The following ALOX5 variants were observed in gnomAD, a reference collection of about 807,000 sequenced individuals.
ALOX5 encodes the protein arachidonate 5-lipoxygenase.
ALOX5 carries 64 observed loss-of-function variants against 87.9 expected under a neutral mutation model. That is an observed-to-expected ratio of 0.73 (90% CI 0.60 to 0.90). The LOEUF (loss-of-function observed/expected upper bound fraction) is 0.90, where lower values mean the gene tolerates loss of function less well. Ranked by LOEUF, ALOX5 falls within the 40% of genes least tolerant of loss-of-function variation. The probability of loss-of-function intolerance (pLI) is 0.00; values close to 1 mark genes in which losing one functional copy is unlikely to be tolerated. For synonymous variants in ALOX5, 388 were observed against 355.1 expected, an observed-to-expected ratio of 1.09 and a Z score of -1.04; for missense variants, 822 against 907.5, an observed-to-expected ratio of 0.91 and a Z score of 1.21.
intron 2 of ALOX5, among the ~76,000 whole-genome samples, chr10:45,391,297 G>C (rs1439582543): frequency 6.6e-6 from 1 of 152,212 alleles, no homozygotes; most frequent in Admixed American, 6.5e-5. Context: ...GTTTCGCTGT[G>C]TTGGCCAGGC....
At chr10:45,414,831 G>A (rs1025250799) in intron 4 of ALOX5, among the ~76,000 whole-genome samples, 3 of 152,166 alleles carry the variant, frequency 2.0e-5, no homozygotes, top group Admixed American at 2.0e-4. Context: ...GACACATGAA[G>A]AAATGCTCAT....
intron 2 of ALOX5, among the ~76,000 whole-genome samples, chr10:45,386,222 A>C (rs1430518038): frequency 1.3e-5 from 2 of 151,726 alleles, no homozygotes; most frequent in Non-Finnish European, 2.9e-5. Flanking sequence ...AATGGCGTGA[A>C]CCTGGGAAGT....
At position 45,382,673 on chromosome 10, in the gene ALOX5, A is replaced by C. The variant is rs781714135; in HGVS notation, c.341A>C (p.Asp114Ala). 8 of 1,612,496 alleles carry C rather than the reference A, an allele frequency of 5.0e-6. No homozygotes were observed. In the East Asian group the frequency reaches 1.6e-4, roughly 31 times the overall value. The change falls in exon 2 of 14, where the codon GAT (aspartate) becomes GCT (alanine). Residue 114 changes from aspartate to alanine, a missense_variant. Coordinates refer to ENST00000374391, the MANE Select transcript of ALOX5 (RefSeq NM_000698.5). ...ITGDVEVVLR[D>A]GRAKLARDDQ... ...GGCGATGTCGAGGTTGTCCTGAGGG[A>C]TGGACGCGGTGAGCAGCTCAGGCCC...
chr10:45,441,462 GA>G (rs758371505), intron 9 of ALOX5, 32 bp downstream of exon 9: 2 of 1,602,018 alleles, frequency 1.2e-6, no homozygotes. Context: ...TTGTTGCCTG[GA>G]AGAGCCCAGC....
intron 6 of ALOX5, 102 bp from the exon 7 acceptor site, chr10:45,428,516 G>A (rs570653741): frequency 8.3e-6 from 12 of 1,452,784 alleles, no homozygotes; most frequent in Admixed American, 1.8e-5. Flanking sequence ...CTGAGTCGCA[G>A]GAAAGGGAGA....
chr10:45,441,392 C>G lies in ALOX5; in HGVS notation c.1234C>G (p.Arg412Gly). 1 of 1,613,818 alleles carries G rather than the reference C, an allele frequency of 6.2e-7. No individual in the cohort carries two copies. Among genetic ancestry groups the G allele is most frequent in the Non-Finnish European group, 8.5e-7 (1 of 1,179,762 alleles). Reference protein sequence around the residue: ...RFTIAINTKAREQLICECGLF... With the variant: ...RFTIAINTKAGEQLICECGLF... Reference sequence around the variant, plus strand: ...CACCATTGCAATCAACACCAAGGCCCGTGAGCAGCTCATCTGCGAGTGTGG... The same window carrying G: ...CACCATTGCAATCAACACCAAGGCCGGTGAGCAGCTCATCTGCGAGTGTGG... Residue 412 changes from arginine (R) to glycine (G), a missense_variant, in exon 9 of 14, where the codon CGT becomes GGT. By Grantham distance (125) the Arg-to-Gly change is moderately radical. Transcript: ENST00000374391.
chr10:45,422,721 A>T (rs1424677280), intron 4 of ALOX5, among the ~76,000 whole-genome samples: 3 of 152,224 alleles, frequency 2.0e-5, no homozygotes, highest in Non-Finnish European at 4.4e-5. Context: ...TGAGCCCTCC[A>T]GATACACCCC....
chr10:45,415,230 A>G (rs942961298), intron 4 of ALOX5, among the ~76,000 whole-genome samples: 8 of 152,266 alleles, frequency 5.3e-5, no homozygotes, highest in Non-Finnish European at 7.3e-5. Context: ...TGTGGCACAT[A>G]TGCACTATGG....
intron 3 of ALOX5, among the ~76,000 whole-genome samples, chr10:45,400,857 T>A (rs1840674972): frequency 6.6e-6 from 1 of 151,850 alleles, no homozygotes; most frequent in South Asian, 2.1e-4. Flanking sequence ...TGAGATTATT[T>A]CAGAATTGGG....
chr10:45,387,341 G>T (rs777549227), intron 2 of ALOX5, among the ~76,000 whole-genome samples: 54 of 152,230 alleles, frequency 3.5e-4, no homozygotes, highest in Admixed American at 9.2e-4. Context: ...ACAATGAAAT[G>T]GACTTAGAAA....
chr10:45,433,139 A>G (rs1018759203), intron 7 of ALOX5, among the ~76,000 whole-genome samples: 6 of 152,240 alleles, frequency 3.9e-5, no homozygotes, highest in African/African-American at 1.4e-4. Flanking sequence ...TGGAAAAACA[A>G]AGGGGTAACT....
At position 45,396,862 on chromosome 10, in the gene ALOX5, A is replaced by C. The variant is rs772640180; in HGVS notation, c.431+926A>C. Among the ~76,000 whole-genome samples the C allele has an allele frequency of 5.9e-5, 9 of 152,262 alleles. No homozygotes were observed. In the South Asian group the frequency reaches 1.4e-3, roughly 25 times the overall value. On this transcript the variant is annotated intron_variant, in intron 3 of 13. Coordinates refer to ENST00000374391, the MANE Select transcript of ALOX5 (RefSeq NM_000698.5). ...AAGTATATAAAAGGCATTAAACAAT[A>C]TGAACATGTGGGATTTAGCCCAGGA... is the stretch of plus-strand genomic sequence containing the variant.
At chr10:45,413,958 G>T (rs1446170828) in intron 4 of ALOX5, among the ~76,000 whole-genome samples, 1 of 152,096 alleles carries the variant, frequency 6.6e-6, no homozygotes, top group Non-Finnish European at 1.5e-5. Flanking sequence ...ACAAATGGAA[G>T]AACATTCCAT....
intron 8 of ALOX5, 150 bp downstream of exon 8, chr10:45,440,783 C>T: frequency 1.2e-6 from 1 of 866,814 alleles, no homozygotes; most frequent in Non-Finnish European, 1.7e-6. Flanking sequence ...AGTAATGCCC[C>T]TAAAGGAAGA....
In ALOX5 at chr10:45,444,186, T is replaced by G; in HGVS notation, c.1745T>G (p.Val582Gly). ...GCCCCGCCACCGACTGCCAAGGGCG[T>G]GGTGACCATTGAGCAGATCGTGGAC... ...MRAPPPTAKGVVTIEQIVDTL... is the reference protein window; with the variant it reads ...MRAPPPTAKGGVTIEQIVDTL... The change falls in exon 13 of 14, where the codon GTG becomes GGG. Residue 582 changes from valine (V) to glycine (G), a missense_variant. Transcript: ENST00000374391. 1 of 1,556,920 alleles carries G rather than the reference T, an allele frequency of 6.4e-7. No individual in the cohort carries two copies. The highest frequency in any genetic ancestry group is 8.7e-7 in the Non-Finnish European group (1 of 1,150,338).
chr10:45,415,195 T>A (rs1205199058), intron 4 of ALOX5, among the ~76,000 whole-genome samples: 3 of 152,182 alleles, frequency 2.0e-5, no homozygotes, highest in Non-Finnish European at 4.4e-5. Context: ...CAAATGTCCA[T>A]CACCGATAGA....
intron 2 of ALOX5, among the ~76,000 whole-genome samples, chr10:45,392,021 C>T (rs951035086): frequency 1.3e-5 from 2 of 151,466 alleles, no homozygotes; most frequent in Non-Finnish European, 2.9e-5. Flanking sequence ...GGCCAGCCGC[C>T]CCGTCCGGGA....
intron 7 of ALOX5, among the ~76,000 whole-genome samples, chr10:45,436,271 T>C (rs1290771413): frequency 1.3e-5 from 2 of 152,250 alleles, no homozygotes; most frequent in African/African-American, 4.8e-5. Context: ...GTCTCATTTG[T>C]CAATTTTTGT....
intron 2 of ALOX5, among the ~76,000 whole-genome samples, chr10:45,387,270 A>G (rs558363751): frequency 1.3e-5 from 2 of 152,202 alleles, no homozygotes; most frequent in South Asian, 2.1e-4. Context: ...CTCATTCTCA[A>G]TCCTCTGTGT....
Sources: gnomAD v4.1 joint callset for allele counts (sites outside exome capture counted in the v4.1 genomes callset) on GRCh38, gnomAD v4.1.1 for gene constraint, MANE v1.5 for transcripts, NCBI Gene and HGNC (gene_info 2026-07-23, HGNC 2026-07-21) for gene names.